The following RAD50 variants were observed in gnomAD, a reference collection of about 807,000 sequenced individuals.
RAD50 encodes the protein RAD50 double strand break repair protein.
In RAD50, 132 loss-of-function variants were observed where a neutral mutation model predicts 168.8. The ratio of observed to expected loss-of-function variants is 0.78; its 90% CI spans 0.68 to 0.90. The LOEUF (loss-of-function observed/expected upper bound fraction) is 0.90, where lower values mean the gene tolerates loss of function less well. RAD50 is among the 40% of genes least tolerant of loss of function. The pLI is 0.00. For synonymous variants in RAD50, 525 were observed against 497.4 expected, an observed-to-expected ratio of 1.06 and a Z score of -0.74; for missense variants, 1,347 against 1,534.4, an observed-to-expected ratio of 0.88 and a Z score of 2.04.
At chr5:132,611,524 C>T (rs926639870) in intron 19 of RAD50, among the ~76,000 whole-genome samples, 19 of 151,028 alleles carry the variant, frequency 1.3e-4, no homozygotes, top group African/African-American at 2.7e-4. Context: ...GCTAACACGC[C>T]GAAACCCCGT....
intron 21 of RAD50, among the ~76,000 whole-genome samples, chr5:132,630,143 A>G (rs1233214807): frequency 6.6e-6 from 1 of 151,844 alleles, no homozygotes; most frequent in Non-Finnish European, 1.5e-5. Flanking sequence ...CCCGGGTTCA[A>G]GCAATTCTTC....
intron 21 of RAD50, among the ~76,000 whole-genome samples, chr5:132,631,743 T>TG (rs1164373738): frequency 1.3e-5 from 2 of 152,146 alleles, no homozygotes; most frequent in Non-Finnish European, 2.9e-5. Context: ...TCTCACTCTG[T>TG]CACCCAGGCT....
intron 6 of RAD50, 57 bp from the exon 7 acceptor site, chr5:132,587,867 A>G (rs1750622267): frequency 1.3e-6 from 2 of 1,576,302 alleles, no homozygotes; most frequent in African/African-American, 1.4e-5. Context: ...GATACCTCAA[A>G]GTGATCATAT....
intron 21 of RAD50, among the ~76,000 whole-genome samples, chr5:132,633,514 C>T (rs1751514829): frequency 6.6e-6 from 1 of 152,014 alleles, no homozygotes; most frequent in South Asian, 2.1e-4. Context: ...AGAAAGGCTT[C>T]CCAATCCTAA....
intron 15 of RAD50, 61 bp from the exon 16 acceptor site, chr5:132,604,745 G>A (rs1750951440): frequency 1.5e-6 from 2 of 1,347,286 alleles, no homozygotes; most frequent in East Asian, 4.9e-5. Context: ...TGGGAAGAAT[G>A]ATACAAATAG....
chr5:132,603,083 C>T (rs1028109761), intron 13 of RAD50, among the ~76,000 whole-genome samples: 1 of 152,168 alleles, frequency 6.6e-6, no homozygotes, highest in Non-Finnish European at 1.5e-5. Flanking sequence ...AGTAACTTTA[C>T]AGTGGAGAAA....
At chr5:132,597,288 C>G (rs1326357195) in intron 13 of RAD50, among the ~76,000 whole-genome samples, 1 of 152,138 alleles carries the variant, frequency 6.6e-6, no homozygotes, top group Non-Finnish European at 1.5e-5. Context: ...CCCTAGTAAT[C>G]TCGGCCTCTT....
chr5:132,563,277 G>A (rs1479215265), intron 2 of RAD50, among the ~76,000 whole-genome samples: 1 of 152,172 alleles, frequency 6.6e-6, no homozygotes, highest in Admixed American at 6.5e-5. Flanking sequence ...CACAATTCTT[G>A]AGTAGGCAAA....
At chr5:132,625,161 AC>A (rs1425525560) in intron 21 of RAD50, among the ~76,000 whole-genome samples, 1 of 145,616 alleles carries the variant, frequency 6.9e-6, no homozygotes, top group African/African-American at 2.6e-5. Flanking sequence ...ATCTCGGCTC[AC>A]TGCAAGCTCC....
intron 23 of RAD50, 61 bp downstream of exon 23, chr5:132,638,284 C>T: frequency 6.3e-7 from 1 of 1,596,144 alleles, no homozygotes; most frequent in Admixed American, 1.7e-5. Context: ...GAGAAACAAA[C>T]ATCAGTGCAG....
rs538824856 is a variant in RAD50, at chr5:132,557,019, C to T, written c.-306C>T. On this transcript the variant is annotated 5_prime_UTR_variant, in exon 1 of 25. Coordinates refer to ENST00000378823, the MANE Select transcript of RAD50 (RefSeq NM_005732.4). ...GCCGAGGCAGGAAGCTGTGAGTGCG[C>T]GGTTGCGGGGTCGCATTGTGGCTAC... is the stretch of plus-strand genomic sequence containing the variant. 2.8e-6 allele frequency: 2 copies of T among 706,792 alleles called. No individual in the cohort carries two copies. Among genetic ancestry groups the T allele is most frequent in the Non-Finnish European group, 4.3e-6 (2 of 467,872 alleles). 43.8% of individuals were successfully genotyped at this position (706,792 alleles called of 1,614,324 possible).
chr5:132,602,795 A>C (rs1196797689), intron 13 of RAD50, among the ~76,000 whole-genome samples: 1 of 152,152 alleles, frequency 6.6e-6, no homozygotes, highest in Non-Finnish European at 1.5e-5. Flanking sequence ...TCAGGGTTCC[A>C]TGCAGGATCC....
chr5:132,618,106 A>G lies in RAD50; in HGVS notation c.3201A>G (p.Ile1067Met), dbSNP rs1252792978. The G allele has an allele frequency of 6.2e-7, 1 of 1,613,642 alleles. No homozygotes were observed. Residue 1067 changes from isoleucine to methionine, a missense_variant, in exon 21 of 25, where the codon ATA (isoleucine) becomes ATG (methionine). By Grantham distance (10) the Ile-to-Met change is conservative. Around this residue, in one of 3 missense-constraint regions of RAD50, gnomAD observed 635 missense variants for 739.2 expected, o/e 0.86. Transcript: ENST00000378823. ...HQKLEENIDN[I>M]KRNHNLALGR... is the part of the protein sequence containing the mutation. ...AGTTGGAAGAGAACATAGACAATAT[A>G]AAAAGAAATCATAATTTGGCATTAG... is the stretch of plus-strand genomic sequence containing the variant.
intron 16 of RAD50, among the ~76,000 whole-genome samples, chr5:132,607,168 GGAA>G (rs1163962511): frequency 6.6e-6 from 1 of 152,192 alleles, no homozygotes; most frequent in Non-Finnish European, 1.5e-5. Flanking sequence ...GCCATAATAA[GGAA>G]GAACTGGCTG....
chr5:132,643,059 C>T lies in RAD50; in HGVS notation c.*695C>T, dbSNP rs114661226. 1,358 of 530,150 alleles carry T rather than the reference C, an allele frequency of 2.6e-3. 4 individuals are homozygous for T. The highest frequency in any genetic ancestry group is 4.2e-3 in the Non-Finnish European group (1,113 of 263,078). 32.8% of individuals were successfully genotyped at this position (530,150 alleles called of 1,614,324 possible). On this transcript the variant is annotated 3_prime_UTR_variant, in exon 25 of 25. Coordinates refer to ENST00000378823, the MANE Select transcript of RAD50 (RefSeq NM_005732.4). ...CAGAGAGGAAATTCTCCACTGTGCA[C>T]ACCCACCTTTGGAAAGCTCTGACCA...
At chr5:132,618,337 A>C in intron 21 of RAD50, 43 bp downstream of exon 21, 2 of 1,609,116 alleles carry the variant, frequency 1.2e-6, no homozygotes, top group Non-Finnish European at 1.7e-6. Context: ...GTTAATATTA[A>C]CTAACATACT....
At chr5:132,583,993 G>A (rs1327493678) in intron 5 of RAD50, among the ~76,000 whole-genome samples, 3 of 151,976 alleles carry the variant, frequency 2.0e-5, no homozygotes, top group African/African-American at 2.4e-5. Context: ...CACTGTGCCC[G>A]GCAATTCATT....
intron 7 of RAD50, 53 bp from the exon 8 acceptor site, chr5:132,588,633 TC>T: frequency 6.6e-7 from 1 of 1,516,856 alleles, no homozygotes; most frequent in Non-Finnish European, 9.1e-7. Flanking sequence ...TGCAGCTATC[TC>T]AACTTTTTAA....
At chr5:132,636,601 A>C (rs1751585212) in intron 21 of RAD50, among the ~76,000 whole-genome samples, 1 of 152,214 alleles carries the variant, frequency 6.6e-6, no homozygotes, top group Non-Finnish European at 1.5e-5. Context: ...AAGCCTTAAC[A>C]GTGATAGAAG....
Sources: gnomAD v4.1 joint callset for allele counts (sites outside exome capture counted in the v4.1 genomes callset) on GRCh38, gnomAD v4.1.1 for gene constraint, gnomAD v4.1.1 regional missense constraint, MANE v1.5 for transcripts, NCBI Gene and HGNC (gene_info 2026-07-23, HGNC 2026-07-21) for gene names.